The following NDC1 variants were observed in gnomAD, a reference collection of about 807,000 sequenced individuals.
NDC1 encodes the protein NDC1 transmembrane nucleoporin, also known as nucleoporin NDC1.
A neutral mutation model predicts 89.8 loss-of-function variants in NDC1; 24 were observed. The ratio of observed to expected loss-of-function variants is 0.27; its 90% CI spans 0.19 to 0.38. The LOEUF (loss-of-function observed/expected upper bound fraction) is 0.38, where lower values mean the gene tolerates loss of function less well. NDC1 is among the 10% of genes least tolerant of loss of function. NDC1 has a pLI of 1.00. For synonymous variants in NDC1, 296 were observed against 284.8 expected (o/e 1.04, Z -0.39); for missense variants, 728 against 797.6 (o/e 0.91, Z 1.05).
At chr1:53,821,635 A>C (rs1648673051) in intron 5 of NDC1, among the ~76,000 whole-genome samples, 1 of 152,148 alleles carries the variant, frequency 6.6e-6, no homozygotes, top group Non-Finnish European at 1.5e-5. Context: ...TGCTATTCCT[A>C]CTATAGCTTT....
Position 53,797,263 on chromosome 1 carries a change from G to C in NDC1, c.1223-119C>G. On this transcript the variant is annotated intron_variant, in intron 11 of 17. Coordinates refer to ENST00000371429, the MANE Select transcript of NDC1 (RefSeq NM_018087.5). ...TAACGCATTTACCCAAAGCTCAGTA[G>C]ATTGTTTCCATTTATGATTATAGTC... The C allele has an allele frequency of 3.3e-6, 3 of 917,236 alleles. No individual in the cohort carries two copies. The South Asian group carries it at 5.1e-5, about 15-fold the overall frequency. The allele number at this position is 917,236 out of a possible 1,614,324, so 56.8% of individuals were successfully genotyped here.
At chr1:53,811,247 A>T (rs376922424) in intron 6 of NDC1, among the ~76,000 whole-genome samples, 9 of 152,198 alleles carry the variant, frequency 5.9e-5, no homozygotes, top group African/African-American at 1.4e-4. Context: ...ACTTTGTAAC[A>T]ATTTAAATGG....
At chr1:53,810,955 CA>C (rs1648284423) in intron 6 of NDC1, among the ~76,000 whole-genome samples, 1 of 152,214 alleles carries the variant, frequency 6.6e-6, no homozygotes, top group South Asian at 2.1e-4. Context: ...GTGAGTGCCC[CA>C]ACTGTGGAAG....
Position 53,838,228 on chromosome 1 carries a change from TGCCGGCGCAGG to T in NDC1, c.23_33del (p.Pro8GlnfsTer39). On this transcript the variant is annotated frameshift_variant, in exon 1 of 18. Coordinates refer to ENST00000371429, the MANE Select transcript of NDC1 (RefSeq NM_018087.5). LOFTEE classifies it high-confidence loss of function. ...ACGCGCCACAGTATGTCCCGCGACC[TGCCGGCGCAGG>T]GCCGGCTCACGGCCGTGGCCATGGA... The T allele has an allele frequency of 6.5e-7, 1 of 1,536,206 alleles. No homozygotes were observed. Among genetic ancestry groups the T allele is most frequent in the Non-Finnish European group, 8.7e-7 (1 of 1,145,834 alleles).
intron 1 of NDC1, 62 bp downstream of exon 1, chr1:53,838,143 A>G: frequency 6.8e-7 from 1 of 1,480,024 alleles, no homozygotes; most frequent in Non-Finnish European, 9.1e-7. Context: ...CGCACGCGCG[A>G]TCAGAGCTTG....
chr1:53,789,344 T>C (rs1647409207), intron 14 of NDC1, 148 bp from the exon 15 acceptor site: 1 of 587,160 alleles, frequency 1.7e-6, no homozygotes, highest in Non-Finnish European at 3.0e-6. Context: ...TATATTTAAC[T>C]TGATAATTAC....
At chr1:53,792,286 A>C (rs1416608690) in intron 14 of NDC1, among the ~76,000 whole-genome samples, 3 of 152,178 alleles carry the variant, frequency 2.0e-5, no homozygotes, top group African/African-American at 7.2e-5. Flanking sequence ...AACTTCAGAC[A>C]ACCCCTCTTC....
intron 13 of NDC1, among the ~76,000 whole-genome samples, chr1:53,795,405 A>T (rs940239450): frequency 2.6e-5 from 4 of 152,190 alleles, no homozygotes; most frequent in Non-Finnish European, 1.5e-5. Context: ...TTTCTTACTA[A>T]GTATTTTCAC....
intron 13 of NDC1, among the ~76,000 whole-genome samples, chr1:53,794,476 C>A (rs1647627933): frequency 6.6e-6 from 1 of 151,918 alleles, no homozygotes; most frequent in Non-Finnish European, 1.5e-5. Context: ...GCATATAGAG[C>A]CGTATGGGAT....
At chr1:53,774,199 C>G (rs191544015) in intron 16 of NDC1, among the ~76,000 whole-genome samples, 16 of 152,120 alleles carry the variant, frequency 1.1e-4, no homozygotes, top group Non-Finnish European at 1.9e-4. Flanking sequence ...CAGTCTGCCA[C>G]GGTAACTTTA....
At chr1:53,812,535 A>T (rs1325049343) in intron 6 of NDC1, among the ~76,000 whole-genome samples, 1 of 152,256 alleles carries the variant, frequency 6.6e-6, no homozygotes, top group Non-Finnish European at 1.5e-5. Context: ...AAGATCTTCA[A>T]ATTAACCCAA....
chr1:53,801,765 G>C (rs1245517129), intron 10 of NDC1, among the ~76,000 whole-genome samples: 1 of 152,058 alleles, frequency 6.6e-6, no homozygotes, highest in Non-Finnish European at 1.5e-5. Flanking sequence ...TTAAATTTTT[G>C]TTTGTTTTTG....
chr1:53,793,517 C>A (rs934434019), intron 13 of NDC1, among the ~76,000 whole-genome samples: 2 of 152,150 alleles, frequency 1.3e-5, no homozygotes, highest in African/African-American at 4.8e-5. Context: ...ACGTTTAACC[C>A]CCAAATTAGA....
intron 6 of NDC1, among the ~76,000 whole-genome samples, chr1:53,815,835 A>C (rs1045401046): frequency 3.3e-5 from 5 of 152,124 alleles, no homozygotes; most frequent in Non-Finnish European, 5.9e-5. Flanking sequence ...CAAATCAAGA[A>C]CTCAAACCCT....
chr1:53,829,702 A>G (rs1316498181), intron 3 of NDC1, among the ~76,000 whole-genome samples: 1 of 152,270 alleles, frequency 6.6e-6, no homozygotes, highest in African/African-American at 2.4e-5. Flanking sequence ...GGCTTTAAGA[A>G]GGACTGGCTG....
intron 16 of NDC1, among the ~76,000 whole-genome samples, chr1:53,777,189 T>G (rs1042138251): frequency 6.6e-6 from 1 of 152,110 alleles, no homozygotes. Context: ...CCAGCTAATT[T>G]TTTTTAAAAC....
At chr1:53,788,893 T>C (rs1647394630) in intron 15 of NDC1, among the ~76,000 whole-genome samples, 1 of 148,626 alleles carries the variant, frequency 6.7e-6, no homozygotes, top group South Asian at 2.1e-4. Flanking sequence ...CAAAACTCTG[T>C]CTCCAAAAAA....
Position 53,822,167 on chromosome 1 carries a change from G to A in NDC1, c.595-3088C>T, listed in dbSNP as rs116026873. Among the ~76,000 whole-genome samples, 672 of 152,226 alleles carry A rather than the reference G, an allele frequency of 4.4e-3. 2 individuals carry two copies. Among genetic ancestry groups the A allele is most frequent in the African/African-American group, 0.015 (635 of 41,546 alleles). On this transcript the variant is annotated intron_variant, in intron 5 of 17. Transcript: ENST00000371429. ...AAAATTAGTAGATCTTTAAAAAGCC[G>A]TAATTTTTCTACAAAAATTAGTTGG...
intron 16 of NDC1, among the ~76,000 whole-genome samples, chr1:53,781,632 T>G (rs1413689407): frequency 6.6e-6 from 1 of 152,198 alleles, no homozygotes; most frequent in Non-Finnish European, 1.5e-5. Context: ...ATAGAACAGT[T>G]CCACACAATT....
Sources: gnomAD v4.1 joint callset for allele counts (sites outside exome capture counted in the v4.1 genomes callset) on GRCh38, gnomAD v4.1.1 for gene constraint, MANE v1.5 for transcripts, NCBI Gene and HGNC (gene_info 2026-07-23, HGNC 2026-07-21) for gene names.